The following LRP1B variants were observed in gnomAD, a reference collection of about 807,000 sequenced individuals.
LRP1B encodes the protein low-density lipoprotein receptor-related protein 1B.
A neutral mutation model predicts 556.6 loss-of-function variants in LRP1B; 217 were observed. That is an observed-to-expected ratio of 0.39 (90% CI 0.35 to 0.44). LRP1B has a LOEUF of 0.44. Ranked by LOEUF, LRP1B falls within the 20% of genes least tolerant of loss-of-function variation. The pLI is 1.00. For missense variants in LRP1B, 5,053 were observed against 5,620.8 expected (o/e 0.90, Z 3.23); for synonymous variants, 2,047 against 1,865.8 (o/e 1.10, Z -2.50).
chr2:140,900,526 G>A (rs1006984462), intron 23 of LRP1B, among the ~76,000 whole-genome samples: 4 of 151,934 alleles, frequency 2.6e-5, no homozygotes, highest in African/African-American at 9.7e-5. Context: ...ATGGTCAGAA[G>A]AAAACTACTA....
intron 83 of LRP1B, among the ~76,000 whole-genome samples, chr2:140,298,392 C>T (rs886072908): frequency 6.6e-6 from 1 of 152,048 alleles, no homozygotes; most frequent in Admixed American, 6.6e-5. Context: ...ATCTACCAAC[C>T]ACTGCTGAAT....
At chr2:140,915,386 C>A (rs1573874822) in intron 21 of LRP1B, among the ~76,000 whole-genome samples, 1 of 152,138 alleles carries the variant, frequency 6.6e-6, no homozygotes, top group East Asian at 1.9e-4. Context: ...CGCTGGCTCA[C>A]ACCTCTAATC....
intron 2 of LRP1B, among the ~76,000 whole-genome samples, chr2:141,582,011 A>C (rs1051660701): frequency 6.6e-6 from 1 of 152,224 alleles, no homozygotes; most frequent in Non-Finnish European, 1.5e-5. Flanking sequence ...AATTCAAAAG[A>C]GTAATGTCAA....
intron 43 of LRP1B, among the ~76,000 whole-genome samples, chr2:140,559,618 A>G (rs1680857223): frequency 6.6e-6 from 1 of 152,140 alleles, no homozygotes; most frequent in South Asian, 2.1e-4. Context: ...GAGGCATGTC[A>G]AGAGAACATG....
chr2:140,385,450 T>TA (rs1488958908), intron 67 of LRP1B, among the ~76,000 whole-genome samples: 1 of 152,190 alleles, frequency 6.6e-6, no homozygotes, highest in Non-Finnish European at 1.5e-5. Flanking sequence ...AGGTGTTGAC[T>TA]ACTGTAGAGA....
chr2:141,796,408 C>G (rs60766381), intron 2 of LRP1B, among the ~76,000 whole-genome samples: 14,879 of 151,812 alleles, frequency 0.098, 1,049 homozygotes, highest in African/African-American at 0.19. Context: ...AATTTATAAA[C>G]TGCTTTCTGG....
At chr2:141,029,875 G>A (rs1698317787) in intron 11 of LRP1B, among the ~76,000 whole-genome samples, 1 of 152,086 alleles carries the variant, frequency 6.6e-6, no homozygotes, top group South Asian at 2.1e-4. Flanking sequence ...GTGGAGAACT[G>A]TCCTGTGTAT....
chr2:141,689,601 G>A (rs897987418), intron 2 of LRP1B, among the ~76,000 whole-genome samples: 2 of 151,658 alleles, frequency 1.3e-5, no homozygotes, highest in Non-Finnish European at 3.0e-5. Flanking sequence ...ATAATAAACA[G>A]CTCAAGATCT....
chr2:141,581,422 C>T (rs1444806607), intron 2 of LRP1B, among the ~76,000 whole-genome samples: 2 of 151,898 alleles, frequency 1.3e-5, no homozygotes, highest in East Asian at 1.9e-4. Flanking sequence ...TTTTTGGTAT[C>T]AAAACACCTA....
At chr2:140,655,387 T>C (rs980202594) in intron 41 of LRP1B, among the ~76,000 whole-genome samples, 15 of 152,286 alleles carry the variant, frequency 9.8e-5, no homozygotes, top group African/African-American at 3.4e-4. Context: ...TTGTCACAGA[T>C]ATAAAATATC....
intron 41 of LRP1B, among the ~76,000 whole-genome samples, chr2:140,616,037 T>C (rs543478693): frequency 6.6e-6 from 1 of 152,028 alleles, no homozygotes; most frequent in South Asian, 2.1e-4. Context: ...TTTGGAGCAA[T>C]CCAACAAAGG....
intron 1 of LRP1B, among the ~76,000 whole-genome samples, chr2:142,120,047 T>C (rs1707401567): frequency 1.4e-5 from 2 of 142,132 alleles, no homozygotes; most frequent in South Asian, 5.1e-4. Context: ...CCGTATATCA[T>C]AAACTCTTAC....
intron 20 of LRP1B, among the ~76,000 whole-genome samples, chr2:140,941,477 C>T (rs1047075618): frequency 1.3e-5 from 2 of 152,120 alleles, no homozygotes; most frequent in African/African-American, 4.8e-5. Context: ...CAAACCAGAC[C>T]TAAGCAAGGG....
At chr2:141,930,777 A>C (rs1206248587) in intron 1 of LRP1B, among the ~76,000 whole-genome samples, 1 of 152,112 alleles carries the variant, frequency 6.6e-6, no homozygotes, top group Non-Finnish European at 1.5e-5. Context: ...TTTCAAGGCC[A>C]AACTCTCACT....
At chr2:141,660,328 T>C (rs760782914) in intron 2 of LRP1B, among the ~76,000 whole-genome samples, 2 of 151,890 alleles carry the variant, frequency 1.3e-5, no homozygotes, top group African/African-American at 2.4e-5. Context: ...GTGGAGCAGA[T>C]CTCCTCATGA....
At chr2:140,473,572 G>A (rs1687852057) in intron 60 of LRP1B, among the ~76,000 whole-genome samples, 2 of 151,816 alleles carry the variant, frequency 1.3e-5, no homozygotes, top group South Asian at 4.1e-4. Flanking sequence ...ATAAGTAGGA[G>A]ATGAAGTCAA....
intron 1 of LRP1B, among the ~76,000 whole-genome samples, chr2:141,997,222 A>C (rs1702517641): frequency 6.6e-6 from 1 of 152,040 alleles, no homozygotes; most frequent in South Asian, 2.1e-4. Context: ...GCCTGGGTTT[A>C]ATTTCTAAAT....
rs200311303 is a variant in LRP1B at position 141,466,960 on chromosome 2, T to C, written c.343+13436A>G. Reference sequence around the variant, plus strand: ...AGGAAGTGCTCAGGGGATATATATATATATATATATATCCCTAACTGGCTC... The same window carrying C: ...AGGAAGTGCTCAGGGGATATATATACATATATATATATCCCTAACTGGCTC... On this transcript the variant is annotated intron_variant, in intron 3 of 90. Coordinates refer to ENST00000389484, the MANE Select transcript of LRP1B (RefSeq NM_018557.3). 2.7e-5 allele frequency among the ~76,000 whole-genome samples: 4 copies of C among 150,380 alleles called. No individual in the cohort carries two copies. In the East Asian group the frequency reaches 7.9e-4, roughly 30 times the overall value.
intron 27 of LRP1B, among the ~76,000 whole-genome samples, chr2:140,853,820 C>T (rs1692531414): frequency 6.6e-6 from 1 of 152,018 alleles, no homozygotes; most frequent in Non-Finnish European, 1.5e-5. Context: ...TTTTGTCACA[C>T]AGAGTAAGTA....
Sources: allele counts gnomAD v4.1 joint callset (sites outside exome capture counted in the v4.1 genomes callset), GRCh38; gene constraint gnomAD v4.1.1; transcripts MANE v1.5; gene names NCBI Gene and HGNC (gene_info 2026-07-23, HGNC 2026-07-21).